The following TPD52L2 variants were observed in gnomAD, a reference collection of about 807,000 sequenced individuals.
TPD52L2 encodes the protein TPD52 like 2.
Under a neutral mutation model 24.7 loss-of-function variants are expected in TPD52L2, and 19 were observed. The observed-to-expected ratio is 0.77, with a 90% CI of 0.54 to 1.13. The LOEUF is 1.13. TPD52L2 is among the 50% of genes most tolerant of loss of function. TPD52L2 has a pLI of 0.00. For synonymous variants in TPD52L2, 104 were observed against 100.2 expected, an observed-to-expected ratio of 1.04 and a Z score of -0.23; for missense variants, 236 against 250.4, an observed-to-expected ratio of 0.94 and a Z score of 0.39.
chr20:63,884,087 G>A (rs1473802894), intron 5 of TPD52L2, among the ~76,000 whole-genome samples: 2 of 152,132 alleles, frequency 1.3e-5, no homozygotes, highest in Non-Finnish European at 2.9e-5. Flanking sequence ...CTTCTATTTC[G>A]AGAAGTTTTA....
chr20:63,883,048 G>C (rs1016198945), intron 5 of TPD52L2, among the ~76,000 whole-genome samples: 4 of 152,158 alleles, frequency 2.6e-5, no homozygotes, highest in Admixed American at 6.5e-5. Context: ...AGGGAGGGTT[G>C]GCTGCCAGTG....
At position 63,869,445 on chromosome 20, in the gene TPD52L2, C is replaced by T. The variant is rs374036672; in HGVS notation, c.165+4C>T. 107 of 1,613,870 alleles carry T rather than the reference C, an allele frequency of 6.6e-5. No individual in the cohort carries two copies. The Middle Eastern group carries it at 8.2e-4, about 12-fold the overall frequency. On this transcript the variant is annotated splice_donor_region_variant and intron_variant, in intron 2 of 6. Transcript: ENST00000346249. ...GCTCAGGGCTGAGCTTACCAAGGTGCTGTGGCTTGGCTGTCTGTCCTGGGG... is the reference window on the plus strand; with the variant it reads ...GCTCAGGGCTGAGCTTACCAAGGTGTTGTGGCTTGGCTGTCTGTCCTGGGG...
At chr20:63,885,368 AG>A (rs2053053583) in intron 5 of TPD52L2, among the ~76,000 whole-genome samples, 1 of 152,176 alleles carries the variant, frequency 6.6e-6, no homozygotes, top group South Asian at 2.1e-4. Context: ...ACCTCGGGCG[AG>A]TTGAGTGTTT....
At chr20:63,871,826 C>T (rs1286018517) in intron 2 of TPD52L2, among the ~76,000 whole-genome samples, 1 of 151,228 alleles carries the variant, frequency 6.6e-6, no homozygotes, top group Non-Finnish European at 1.5e-5. Flanking sequence ...TAGAGACGGC[C>T]TTTCATCATA....
At chr20:63,868,803 G>A (rs1306665804) in intron 1 of TPD52L2, among the ~76,000 whole-genome samples, 6 of 152,184 alleles carry the variant, frequency 3.9e-5, no homozygotes, top group South Asian at 2.1e-4. Context: ...AATAGCCAGC[G>A]TGGTGGCGTG....
At chr20:63,873,918 A>C (rs531611219) in intron 3 of TPD52L2, 102 bp downstream of exon 3, 2 of 1,335,156 alleles carry the variant, frequency 1.5e-6, no homozygotes, top group Non-Finnish European at 2.0e-6. Context: ...GACGAGTTGC[A>C]GCCGTGGAGT....
At chr20:63,870,622 C>T (rs2052426756) in intron 2 of TPD52L2, among the ~76,000 whole-genome samples, 1 of 144,014 alleles carries the variant, frequency 6.9e-6, no homozygotes, top group Non-Finnish European at 1.5e-5. Context: ...CACCCGGGTT[C>T]ACGCCATTCT....
chr20:63,868,698 C>G (rs1449271451), intron 1 of TPD52L2, among the ~76,000 whole-genome samples: 1 of 152,240 alleles, frequency 6.6e-6, no homozygotes, highest in Non-Finnish European at 1.5e-5. Context: ...AATCCCAACA[C>G]TTTGGGAGGC....
At chr20:63,868,486 G>A (rs1330396172) in intron 1 of TPD52L2, among the ~76,000 whole-genome samples, 4 of 152,232 alleles carry the variant, frequency 2.6e-5, no homozygotes, top group African/African-American at 9.6e-5. Flanking sequence ...GATGAGAATC[G>A]GGAGGTAAGT....
In TPD52L2 at chr20:63,865,343, A is replaced by G. The variant is rs1396091531; in HGVS notation, c.-23A>G. ...GCTCGGCTCCCATAGCGCCCGCGAC[A>G]GCGGTCCGGACGCCGCCCGAACATG... is the stretch of plus-strand genomic sequence containing the variant. On this transcript the variant is annotated 5_prime_UTR_variant, in exon 1 of 7. Coordinates refer to ENST00000346249, the MANE Select transcript of TPD52L2 (RefSeq NM_003288.4). 1.3e-6 allele frequency: 2 copies of G among 1,522,812 alleles called. No homozygotes were observed. Among genetic ancestry groups the G allele is most frequent in the Non-Finnish European group, 1.8e-6 (2 of 1,141,078 alleles). The allele number at this position is 1,522,812 out of a possible 1,614,324, so 94.3% of individuals were successfully genotyped here.
chr20:63,878,120 GC>G (rs1361905839), intron 4 of TPD52L2, among the ~76,000 whole-genome samples: 3 of 152,254 alleles, frequency 2.0e-5, no homozygotes, highest in Admixed American at 6.5e-5. Flanking sequence ...TACCTCCACT[GC>G]CCAGAGCTCT....
chr20:63,886,912 G>A (rs2053148576), intron 5 of TPD52L2: 1 of 155,600 alleles, frequency 6.4e-6, no homozygotes. Context: ...CAAAGTGCTG[G>A]GATTACAGGC....
At chr20:63,886,399 C>A (rs567003998) in intron 5 of TPD52L2, among the ~76,000 whole-genome samples, 1 of 151,522 alleles carries the variant, frequency 6.6e-6, no homozygotes, top group Non-Finnish European at 1.5e-5. Context: ...CTTGCTCTGT[C>A]GCCCAGGTTG....
chr20:63,887,296 G>A (rs2053166433), intron 5 of TPD52L2: 3 of 587,960 alleles, frequency 5.1e-6, no homozygotes, highest in Non-Finnish European at 6.1e-6. Flanking sequence ...AAAAGCCCAA[G>A]CCTGGTCTCC....
At chr20:63,866,804 C>T (rs1454356203) in intron 1 of TPD52L2, among the ~76,000 whole-genome samples, 1 of 146,942 alleles carries the variant, frequency 6.8e-6, no homozygotes, top group Non-Finnish European at 1.5e-5. Context: ...CAGCGTCTCC[C>T]TCTGTCTCCC....
At chr20:63,869,469 G>A (rs1428314855) in intron 2 of TPD52L2, 28 bp downstream of exon 2, 1 of 1,611,588 alleles carries the variant, frequency 6.2e-7, no homozygotes, top group Non-Finnish European at 8.5e-7. Context: ...TCTGTCCTGG[G>A]GTGAATTGGA....
chr20:63,878,353 G>A (rs1053366881), intron 4 of TPD52L2, among the ~76,000 whole-genome samples: 1 of 152,236 alleles, frequency 6.6e-6, no homozygotes, highest in Admixed American at 6.5e-5. Context: ...ACAATTGCCT[G>A]TTGCATTCTA....
rs760796445 is a variant in TPD52L2, at chr20:63,873,740, A to T, written c.238A>T (p.Arg80Trp). 5.6e-6 allele frequency: 9 copies of T among 1,608,938 alleles called. No individual in the cohort carries two copies. In the South Asian group the frequency reaches 1.0e-4, roughly 18 times the overall value. The part of the protein sequence containing the change: ...KERHCGELKR[R>W]LGLSTLGELK... ...GAGGCACTGTGGAGAGCTCAAGAGGAGGCTGGGCCTCTCCACCCTGGGGGA... is the reference window on the plus strand; with the variant it reads ...GAGGCACTGTGGAGAGCTCAAGAGGTGGCTGGGCCTCTCCACCCTGGGGGA... Residue 80 changes from arginine to tryptophan, a missense_variant, in exon 3 of 7, where the codon AGG becomes TGG. Transcript: ENST00000346249.
chr20:63,878,983 G>T (rs1281121995), intron 4 of TPD52L2, among the ~76,000 whole-genome samples: 1 of 152,202 alleles, frequency 6.6e-6, no homozygotes, highest in East Asian at 1.9e-4. Flanking sequence ...GTGTGCCTGT[G>T]TGTTTGACGC....
Sources: gnomAD v4.1 joint callset for allele counts (sites outside exome capture counted in the v4.1 genomes callset) on GRCh38, gnomAD v4.1.1 for gene constraint, MANE v1.5 for transcripts, NCBI Gene and HGNC (gene_info 2026-07-23, HGNC 2026-07-21) for gene names.